Variants in CD8B2 observed in about 807,000 individuals in gnomAD.
CD8B2 encodes the protein CD8B family member 2.
In CD8B2, 11 loss-of-function variants were observed where a neutral mutation model predicts 23.7. The observed-to-expected ratio is 0.46, with a 90% CI of 0.29 to 0.77. The LOEUF (loss-of-function observed/expected upper bound fraction) is 0.77. Among genes scored for constraint, CD8B2 ranks in the 30% least tolerant of loss-of-function variants. The pLI is 0.09. For synonymous variants in CD8B2, 90 were observed against 109.3 expected (o/e 0.82, Z 1.10); for missense variants, 197 against 270.5 (o/e 0.73, Z 1.91).
intron 5 of CD8B2, among the ~76,000 whole-genome samples, chr2:106,531,958 A>T (rs987253809): frequency 5.9e-5 from 9 of 152,206 alleles, no homozygotes; most frequent in African/African-American, 2.2e-4. Context: ...CATTTGCCGC[A>T]GGCCAGCTTT....
At chr2:106,543,925 A>T (rs773443500) in intron 5 of CD8B2, 3 of 398,372 alleles carry the variant, frequency 7.5e-6, no homozygotes, top group African/African-American at 2.1e-5. Flanking sequence ...TGTGATGTAC[A>T]TTGCCCATCT....
Position 106,510,225 on chromosome 2 carries a change from A to G in CD8B2, c.*3285A>G, listed in dbSNP as rs1251930738. 2 of 152,222 alleles carry G rather than the reference A, an allele frequency of 1.3e-5. No homozygotes were observed. Among genetic ancestry groups the G allele is most frequent in the African/African-American group, 4.8e-5 (2 of 41,452 alleles). The allele number at this position is 152,222 out of a possible 1,614,324, so 9.4% of individuals were successfully genotyped here. A position where few individuals can be genotyped will look rare whatever the true frequency, so the allele number is the denominator to read the frequency against. The stretch of plus-strand genomic sequence containing the variant: ...GGTCCAGTGATGGTCATTAGGAGGG[A>G]GCATGAGGTTTGAAGGTGAGCGTTT... On this transcript the variant is annotated 3_prime_UTR_variant, in exon 6 of 6. Transcript: ENST00000643224.
At chr2:106,524,971 A>C (rs1026983674) in intron 5 of CD8B2, among the ~76,000 whole-genome samples, 2 of 152,182 alleles carry the variant, frequency 1.3e-5, no homozygotes, top group African/African-American at 4.8e-5. Context: ...GCCAGTCTCC[A>C]GCAGTCTGTA....
At chr2:106,505,320 CT>C (rs900192308) in intron 5 of CD8B2, among the ~76,000 whole-genome samples, 4 of 152,204 alleles carry the variant, frequency 2.6e-5, no homozygotes, top group African/African-American at 9.7e-5. Context: ...AACAGGTTCT[CT>C]TGCTCAAAAG....
chr2:106,539,426 T>C (rs990379773), intron 5 of CD8B2, among the ~76,000 whole-genome samples: 26 of 152,362 alleles, frequency 1.7e-4, no homozygotes, highest in African/African-American at 6.3e-4. Flanking sequence ...GAAGTAAAGA[T>C]GTTTCTTGTT....
chr2:106,523,233 T>C (rs1008048187), intron 5 of CD8B2, among the ~76,000 whole-genome samples: 48 of 152,068 alleles, frequency 3.2e-4, no homozygotes, highest in Non-Finnish European at 8.8e-5. Flanking sequence ...GATGAGAAAT[T>C]TGCTACCAAG....
intron 5 of CD8B2, among the ~76,000 whole-genome samples, chr2:106,519,027 C>A (rs1006173760): frequency 3.3e-5 from 5 of 151,612 alleles, no homozygotes; most frequent in Admixed American, 3.3e-4. Context: ...TTCCATCAAT[C>A]CCTCCATCCA....
In CD8B2 at chr2:106,509,331, C is replaced by A. The variant is rs1483935595; in HGVS notation, c.*2391C>A. 2.6e-5 allele frequency: 4 copies of A among 152,102 alleles called. No individual in the cohort carries two copies. Among genetic ancestry groups the A allele is most frequent in the African/African-American group, 9.7e-5 (4 of 41,420 alleles). The allele number at this position is 152,102 out of a possible 1,614,324, so 9.4% of individuals were successfully genotyped here. On this transcript the variant is annotated 3_prime_UTR_variant, in exon 6 of 6. Transcript: ENST00000643224. Reference sequence around the variant, plus strand: ...AAGAATTGGGGTCAGCTGGACCAGACTCCTCTAGGGTTCGTGTTTCAGGTG... The same window carrying A: ...AAGAATTGGGGTCAGCTGGACCAGAATCCTCTAGGGTTCGTGTTTCAGGTG...
At chr2:106,501,022 T>A (rs1043233857) in intron 3 of CD8B2, among the ~76,000 whole-genome samples, 6 of 152,240 alleles carry the variant, frequency 3.9e-5, no homozygotes, top group African/African-American at 1.4e-4. Context: ...AGGTGCACTA[T>A]TGGCGGGTGG....
At chr2:106,514,752 T>TTGTGTGTGTGTGTGTGTGTGTGTGTG (rs10692298), downstream of CD8B2, among the ~76,000 whole-genome samples, 6 of 145,294 alleles carry the variant, frequency 4.1e-5, no homozygotes, top group African/African-American at 2.6e-5. Flanking sequence ...GTTAAGACTT[T>TTGTGTGTGTGTGTGTGTGTGTGTGTG]TGTGTGTGTG....
At chr2:106,487,884 G>A (rs570977808) in intron 1 of CD8B2, among the ~76,000 whole-genome samples, 15 of 152,070 alleles carry the variant, frequency 9.9e-5, no homozygotes, top group Non-Finnish European at 2.1e-4. Flanking sequence ...ATTACTTCCG[G>A]GGAAGTGTTT....
chr2:106,515,469 G>A (rs921063204), downstream of CD8B2, among the ~76,000 whole-genome samples: 6 of 152,158 alleles, frequency 3.9e-5, no homozygotes, highest in Admixed American at 3.9e-4. Flanking sequence ...GCCCCATGAT[G>A]GGATTAGTGC....
intron 5 of CD8B2, among the ~76,000 whole-genome samples, chr2:106,520,126 G>A (rs922829790): frequency 3.9e-5 from 6 of 152,136 alleles, no homozygotes; most frequent in Admixed American, 6.5e-5. Flanking sequence ...TCTCTCTCAC[G>A]ACACAGTGTA....
At chr2:106,542,494 A>G (rs1680190717) in intron 5 of CD8B2, among the ~76,000 whole-genome samples, 1 of 151,790 alleles carries the variant, frequency 6.6e-6, no homozygotes, top group Non-Finnish European at 1.5e-5. Context: ...ATTAATGTGC[A>G]TTTTCTTCCA....
intron 5 of CD8B2, among the ~76,000 whole-genome samples, chr2:106,523,082 C>T (rs1348950494): frequency 6.6e-6 from 1 of 152,170 alleles, no homozygotes; most frequent in Non-Finnish European, 1.5e-5. Flanking sequence ...TCAAACCCAA[C>T]TGGCAAGGGA....
chr2:106,539,689 T>C (rs1021857279), intron 5 of CD8B2, among the ~76,000 whole-genome samples: 2 of 152,208 alleles, frequency 1.3e-5, no homozygotes, highest in Admixed American at 6.5e-5. Context: ...TTGGCTTCAA[T>C]GCATCAAACT....
chr2:106,502,542 G>C lies in CD8B2; in HGVS notation c.562G>C (p.Gly188Arg). The C allele has an allele frequency of 6.3e-7, 1 of 1,578,238 alleles. No homozygotes were observed. The highest frequency in any genetic ancestry group is 1.4e-5 in the African/African-American group (1 of 74,060). Reference sequence around the variant, plus strand: ...CGTCCTGGTTCTGCTGGTTTCCCTGGGAGTGGCCATGCACCTGTGCTGTGA... The same window carrying C: ...CGTCCTGGTTCTGCTGGTTTCCCTGCGAGTGGCCATGCACCTGTGCTGTGA... Reference protein sequence around the residue: ...AGVLVLLVSLGVAMHLCCRRR... With the variant: ...AGVLVLLVSLRVAMHLCCRRR... The change falls in exon 4 of 6, where the codon GGA becomes CGA. Residue 188 changes from glycine to arginine, a missense_variant. This residue lies in a region of CD8B2 where 35 missense variants were observed against 82.9 expected (regional missense o/e 0.42). Transcript: ENST00000643224.
At chr2:106,537,972 C>T (rs1461744832) in intron 5 of CD8B2, 2 of 152,182 alleles carry the variant, frequency 1.3e-5, no homozygotes, top group African/African-American at 2.4e-5. Context: ...GGCTCCTTTT[C>T]TGACCTGCGC....
chr2:106,503,163 G>A (rs1242611246), intron 4 of CD8B2, among the ~76,000 whole-genome samples: 1 of 151,566 alleles, frequency 6.6e-6, no homozygotes. Context: ...GGGAGCCGGA[G>A]GGGAGGCCTG....
Sources: gnomAD v4.1 joint callset for allele counts (sites outside exome capture counted in the v4.1 genomes callset) on GRCh38, gnomAD v4.1.1 for gene constraint, gnomAD v4.1.1 regional missense constraint, MANE v1.5 for transcripts, NCBI Gene and HGNC (gene_info 2026-07-23, HGNC 2026-07-21) for gene names.